CDH13: variants seen among roughly 807,000 people sequenced by gnomAD.
CDH13 encodes the protein cadherin-13.
A neutral mutation model predicts 63.8 loss-of-function variants in CDH13; 24 were observed. That is an observed-to-expected ratio of 0.38 (90% CI 0.27 to 0.53). The LOEUF is 0.53. Among genes scored for constraint, CDH13 ranks in the 20% least tolerant of loss-of-function variants. CDH13 has a pLI of 0.85. For synonymous variants in CDH13, 503 were observed against 355.3 expected (o/e 1.42, Z -4.67); for missense variants, 1,049 against 903.1 (o/e 1.16, Z -2.07).
At chr16:83,132,558 C>T (rs545398808) in intron 4 of CDH13, among the ~76,000 whole-genome samples, 1 of 150,748 alleles carries the variant, frequency 6.6e-6, no homozygotes, top group South Asian at 2.1e-4. Context: ...AGCAATTCTC[C>T]TGCTCAGCCT....
intron 7 of CDH13, among the ~76,000 whole-genome samples, chr16:83,592,486 T>C (rs1367976411): frequency 6.6e-6 from 1 of 152,202 alleles, no homozygotes; most frequent in East Asian, 1.9e-4. Context: ...ACCTTGAGCC[T>C]ACAGGAGATG....
chr16:83,163,610 A>G (rs1217927734), intron 4 of CDH13, among the ~76,000 whole-genome samples: 2 of 152,092 alleles, frequency 1.3e-5, no homozygotes, highest in Admixed American at 1.3e-4. Context: ...AGTCAGATGG[A>G]ACCATATGAC....
At chr16:83,471,027 T>C (rs914767622) in intron 6 of CDH13, among the ~76,000 whole-genome samples, 1 of 152,136 alleles carries the variant, frequency 6.6e-6, no homozygotes, top group Admixed American at 6.5e-5. Flanking sequence ...GCCAGCAGTG[T>C]GGCGTCTCCA....
chr16:83,316,453 A>T (rs114148781), intron 5 of CDH13, among the ~76,000 whole-genome samples: 169 of 152,346 alleles, frequency 1.1e-3, no homozygotes, highest in African/African-American at 3.8e-3. Context: ...AAAGACAGTC[A>T]GTGCTACCGC....
chr16:83,630,745 A>C (rs1910704475), intron 8 of CDH13, among the ~76,000 whole-genome samples: 1 of 152,158 alleles, frequency 6.6e-6, no homozygotes, highest in South Asian at 2.1e-4. Flanking sequence ...GCCCAGGTGA[A>C]ATTCAACAGA....
intron 6 of CDH13, among the ~76,000 whole-genome samples, chr16:83,347,366 GGGGGTAGGGGTT>G (rs1392148421): frequency 6.7e-6 from 1 of 149,862 alleles, no homozygotes; most frequent in African/African-American, 2.5e-5. Context: ...GGGTTTGGGT[GGGGGTAGGGGTT>G]GGGGTTGGGG....
At chr16:83,505,612 C>G (rs946692864) in intron 7 of CDH13, among the ~76,000 whole-genome samples, 1 of 140,580 alleles carries the variant, frequency 7.1e-6, no homozygotes, top group African/African-American at 2.7e-5. Context: ...GGTGGAATCT[C>G]GGCTCGCCAC....
intron 6 of CDH13, among the ~76,000 whole-genome samples, chr16:83,424,052 G>C (rs887825751): frequency 2.0e-5 from 3 of 152,028 alleles, no homozygotes; most frequent in Admixed American, 1.3e-4. Flanking sequence ...AACACGTACT[G>C]AACAGTCTAG....
chr16:83,749,957 G>C (rs968925277), intron 11 of CDH13, among the ~76,000 whole-genome samples: 2 of 152,132 alleles, frequency 1.3e-5, no homozygotes, highest in African/African-American at 4.8e-5. Flanking sequence ...GCTTCTGATT[G>C]GTTAGCCTTA....
At chr16:83,015,694 T>TATATATATAC (rs1914712181) in intron 2 of CDH13, among the ~76,000 whole-genome samples, 2 of 102,578 alleles carry the variant, frequency 1.9e-5, no homozygotes, top group African/African-American at 3.6e-5. Flanking sequence ...TATATATATA[T>TATATATATAC]ATATATATAT....
intron 1 of CDH13, among the ~76,000 whole-genome samples, chr16:82,641,203 C>T (rs1050435234): frequency 2.0e-5 from 3 of 152,180 alleles, no homozygotes; most frequent in Admixed American, 6.5e-5. Flanking sequence ...TCGCCCTTAT[C>T]TTCTGCTGGT....
At chr16:82,994,887 T>A (rs2151413100) in intron 2 of CDH13, among the ~76,000 whole-genome samples, 1 of 152,328 alleles carries the variant, frequency 6.6e-6, no homozygotes, top group Admixed American at 6.5e-5. Flanking sequence ...CAGATGGGTT[T>A]CATTTGGCCA....
chr16:83,554,914 T>C (rs2075573312), intron 7 of CDH13, among the ~76,000 whole-genome samples: 2 of 136,932 alleles, frequency 1.5e-5, no homozygotes, highest in South Asian at 4.8e-4. Flanking sequence ...GCCCTACTGC[T>C]GAATCTTTTT....
At chr16:83,771,287 C>A (rs1597208454) in intron 11 of CDH13, among the ~76,000 whole-genome samples, 1 of 152,166 alleles carries the variant, frequency 6.6e-6, no homozygotes, top group Non-Finnish European at 1.5e-5. Flanking sequence ...CAAGAGTAAC[C>A]CAGGCAGGCC....
chr16:82,950,342 G>T (rs1197642557), intron 2 of CDH13, among the ~76,000 whole-genome samples: 1 of 152,008 alleles, frequency 6.6e-6, no homozygotes, highest in African/African-American at 2.4e-5. Context: ...TTTTTGGTAA[G>T]GACGTGGTAT....
intron 1 of CDH13, among the ~76,000 whole-genome samples, chr16:82,765,842 T>G (rs1260565547): frequency 1.3e-5 from 2 of 152,170 alleles, no homozygotes; most frequent in African/African-American, 4.8e-5. Flanking sequence ...TTCTTGGATA[T>G]TGGTTTCTTC....
chr16:82,718,777 C>G lies in CDH13; in HGVS notation c.45+91640C>G, dbSNP rs1021294236. On this transcript the variant is annotated intron_variant, in intron 1 of 13. Coordinates refer to ENST00000567109, the MANE Select transcript of CDH13 (RefSeq NM_001257.5). ...ATCACAAGAACAGCATGGGAAAGAC[C>G]CAGCCCCATGAATGAATTATCTCCC... 2.0e-5 allele frequency among the ~76,000 whole-genome samples: 3 copies of G among 152,030 alleles called. No individual in the cohort carries two copies. The South Asian group carries it at 6.2e-4, about 32-fold the overall frequency.
At chr16:83,128,225 C>G (rs533565986) in intron 4 of CDH13, among the ~76,000 whole-genome samples, 1 of 152,070 alleles carries the variant, frequency 6.6e-6, no homozygotes, top group Non-Finnish European at 1.5e-5. Context: ...TTAAAATATC[C>G]GAGGTGATTC....
intron 1 of CDH13, among the ~76,000 whole-genome samples, chr16:82,672,036 T>A (rs1182366653): frequency 1.3e-5 from 2 of 152,150 alleles, no homozygotes; most frequent in Non-Finnish European, 2.9e-5. Context: ...CTAGGGGCAT[T>A]AGCTTCTCTT....
Sources: gnomAD v4.1 joint callset for allele counts (sites outside exome capture counted in the v4.1 genomes callset) on GRCh38, gnomAD v4.1.1 for gene constraint, MANE v1.5 for transcripts, NCBI Gene and HGNC (gene_info 2026-07-23, HGNC 2026-07-21) for gene names.